Variants in CPE observed in about 807,000 individuals in gnomAD.
The protein encoded by CPE is carboxypeptidase E.
Under a neutral mutation model 53.5 loss-of-function variants are expected in CPE, and 17 were observed. That is an observed-to-expected ratio of 0.32 (90% confidence interval 0.22 to 0.48). The LOEUF (loss-of-function observed/expected upper bound fraction) is 0.48, where lower values mean the gene tolerates loss of function less well. Among genes scored for constraint, CPE ranks in the 20% least tolerant of loss-of-function variants. The pLI, the probability that CPE is intolerant of heterozygous loss-of-function variation, is 0.99. For missense variants in CPE, 524 were observed against 614.7 expected (o/e 0.85, Z 1.56); for synonymous variants, 226 against 228.8 (o/e 0.99, Z 0.11).
Position 165,421,060 on chromosome 4 carries a change from T to C in CPE, c.307+41532T>C, listed in dbSNP as rs550691179. On this transcript the variant is annotated intron_variant, in intron 1 of 8. Transcript: ENST00000402744. ...ATTTCATTATGATCTACATATTTGTTAATGTCGTGAGAAATAGCTCAATTT... is the reference window on the plus strand; with the variant it reads ...ATTTCATTATGATCTACATATTTGTCAATGTCGTGAGAAATAGCTCAATTT... Among the ~76,000 whole-genome samples, 11 of 152,322 alleles carry C rather than the reference T, an allele frequency of 7.2e-5. No individual in the cohort carries two copies. The East Asian group carries it at 2.1e-3, about 29-fold the overall frequency.
At chr4:165,421,379 C>T (rs1021595844) in intron 1 of CPE, among the ~76,000 whole-genome samples, 2 of 152,198 alleles carry the variant, frequency 1.3e-5, no homozygotes, top group African/African-American at 4.8e-5. Flanking sequence ...TAGTTGGTAT[C>T]TCTTCTATGT....
At chr4:165,447,998 G>A (rs1731746430) in intron 1 of CPE, among the ~76,000 whole-genome samples, 1 of 152,058 alleles carries the variant, frequency 6.6e-6, no homozygotes, top group Admixed American at 6.6e-5. Flanking sequence ...GCCTATGACT[G>A]TACATTGATT....
At chr4:165,435,353 C>T (rs1731480781) in intron 1 of CPE, among the ~76,000 whole-genome samples, 1 of 149,468 alleles carries the variant, frequency 6.7e-6, no homozygotes, top group Non-Finnish European at 1.5e-5. Flanking sequence ...TACAGAAAAA[C>T]TGACTTTGGA....
intron 3 of CPE, among the ~76,000 whole-genome samples, chr4:165,480,385 A>T (rs1015787565): frequency 1.1e-4 from 17 of 152,366 alleles, no homozygotes; most frequent in African/African-American, 4.1e-4. Flanking sequence ...GGATTTCTCT[A>T]AGGAAAGTAC....
intron 1 of CPE, among the ~76,000 whole-genome samples, chr4:165,449,366 A>G (rs1255995725): frequency 1.3e-5 from 2 of 152,194 alleles, no homozygotes; most frequent in East Asian, 3.8e-4. Flanking sequence ...TTGAATTATA[A>G]TTTGCTTTCT....
At position 165,428,868 on chromosome 4, in the gene CPE, C is replaced by G. The variant is rs1027211416; in HGVS notation, c.308-35522C>G. Among the ~76,000 whole-genome samples, 7 of 152,158 alleles carry G rather than the reference C, an allele frequency of 4.6e-5. No homozygotes were observed. The East Asian group carries it at 1.3e-3, about 29-fold the overall frequency. On this transcript the variant is annotated intron_variant, in intron 1 of 8. Coordinates refer to ENST00000402744, the MANE Select transcript of CPE (RefSeq NM_001873.4). ...ACCCAGGTAATCCAGAATAACTTCC[C>G]TATTGCAAGATCATTCATTTAATCA...
chr4:165,471,198 A>G (rs1401682961), intron 3 of CPE, among the ~76,000 whole-genome samples: 2 of 152,184 alleles, frequency 1.3e-5, no homozygotes, highest in African/African-American at 4.8e-5. Context: ...ATGGGGTTAC[A>G]AGCCAATTCC....
intron 1 of CPE, among the ~76,000 whole-genome samples, chr4:165,459,466 A>C (rs963253154): frequency 6.6e-6 from 1 of 152,074 alleles, no homozygotes; most frequent in Non-Finnish European, 1.5e-5. Flanking sequence ...CATGTGAAGT[A>C]ACTGGAATGC....
At chr4:165,392,428 G>A (rs183389286) in intron 1 of CPE, among the ~76,000 whole-genome samples, 2 of 144,902 alleles carry the variant, frequency 1.4e-5, no homozygotes, top group Non-Finnish European at 3.0e-5. Flanking sequence ...GGGTATTAAT[G>A]AGAGTGGGAG....
intron 1 of CPE, among the ~76,000 whole-genome samples, chr4:165,418,767 C>T (rs1470553707): frequency 6.6e-6 from 1 of 152,044 alleles, no homozygotes; most frequent in Admixed American, 6.6e-5. Flanking sequence ...ATGTACTAAA[C>T]ATTTTTTTCC....
At chr4:165,465,976 T>C (rs1429650612) in intron 2 of CPE, among the ~76,000 whole-genome samples, 4 of 152,216 alleles carry the variant, frequency 2.6e-5, no homozygotes, top group African/African-American at 9.6e-5. Flanking sequence ...AATATCTCTT[T>C]ATATTATTAA....
chr4:165,497,916 A>T lies in CPE; in HGVS notation c.*306A>T, dbSNP rs1445637125. ...TTCCTGGTATTATTTACAATGCAGAATTTTTTGAGTAATTCTAGCTTTCAA... is the reference window on the plus strand; with the variant it reads ...TTCCTGGTATTATTTACAATGCAGATTTTTTTGAGTAATTCTAGCTTTCAA... On this transcript the variant is annotated 3_prime_UTR_variant, in exon 9 of 9. Coordinates refer to ENST00000402744, the MANE Select transcript of CPE (RefSeq NM_001873.4). 4 of 166,234 alleles carry T rather than the reference A, an allele frequency of 2.4e-5. No individual in the cohort carries two copies. Among genetic ancestry groups the T allele is most frequent in the Admixed American group, 1.3e-4 (2 of 15,658 alleles). 10.3% of individuals were successfully genotyped at this position (166,234 alleles called of 1,614,324 possible). A position where few individuals can be genotyped will look rare whatever the true frequency, so the allele number is the denominator to read the frequency against.
In CPE at chr4:165,422,353, A is replaced by G. The variant is rs78452440; in HGVS notation, c.308-42037A>G. 7.5e-4 allele frequency among the ~76,000 whole-genome samples: 97 copies of G among 128,688 alleles called. 1 individual carries two copies. In the East Asian group the frequency reaches 0.016, roughly 22 times the overall value. 84.4% of individuals were successfully genotyped at this position (128,688 alleles called of 152,430 possible). On this transcript the variant is annotated intron_variant, in intron 1 of 8. Coordinates refer to ENST00000402744, the MANE Select transcript of CPE (RefSeq NM_001873.4). Reference sequence around the variant, plus strand: ...TTAATTATTTTTTATCTATTTAAGGAATCTTCTCTTTACAATAAAAAATTG... The same window carrying G: ...TTAATTATTTTTTATCTATTTAAGGGATCTTCTCTTTACAATAAAAAATTG...
chr4:165,423,913 G>A (rs886357599), intron 1 of CPE, among the ~76,000 whole-genome samples: 4 of 149,876 alleles, frequency 2.7e-5, no homozygotes, highest in African/African-American at 9.9e-5. Context: ...TTGTTCTTGC[G>A]ATAGTTTACT....
intron 7 of CPE, 39 bp downstream of exon 7, chr4:165,493,309 C>A (rs1489777237): frequency 7.5e-7 from 1 of 1,337,878 alleles, no homozygotes; most frequent in Non-Finnish European, 1.1e-6. Flanking sequence ...ACGTTATGTA[C>A]AAGAGCATAA....
intron 1 of CPE, among the ~76,000 whole-genome samples, chr4:165,411,341 C>T (rs1731039351): frequency 6.6e-6 from 1 of 152,190 alleles, no homozygotes; most frequent in Admixed American, 6.5e-5. Context: ...CTCCATCCCT[C>T]TTCCTTTCTT....
chr4:165,413,660 G>C (rs540495942), intron 1 of CPE, among the ~76,000 whole-genome samples: 47 of 152,298 alleles, frequency 3.1e-4, no homozygotes, highest in South Asian at 2.1e-3. Context: ...GTGAGAAATT[G>C]ATGTGTAAAT....
intron 1 of CPE, among the ~76,000 whole-genome samples, chr4:165,384,963 C>T (rs1373425357): frequency 1.3e-5 from 2 of 152,138 alleles, no homozygotes; most frequent in Non-Finnish European, 2.9e-5. Context: ...TTGCTTTTTT[C>T]TCTCTCTTAC....
At chr4:165,437,868 C>T (rs368724824) in intron 1 of CPE, among the ~76,000 whole-genome samples, 13 of 152,044 alleles carry the variant, frequency 8.6e-5, no homozygotes, top group Admixed American at 3.9e-4. Flanking sequence ...ACAGAATGAA[C>T]GCACATATGG....
Sources: allele counts gnomAD v4.1 joint callset (sites outside exome capture counted in the v4.1 genomes callset), GRCh38; gene constraint gnomAD v4.1.1; transcripts MANE v1.5; gene names NCBI Gene and HGNC (gene_info 2026-07-23, HGNC 2026-07-21).